The following ARHGAP22 variants were observed in gnomAD, a reference collection of about 807,000 sequenced individuals.
ARHGAP22 encodes the protein Rho GTPase activating protein 22.
In ARHGAP22, 48 loss-of-function variants were observed where a neutral mutation model predicts 59.1. That is an observed-to-expected ratio of 0.81 (90% confidence interval 0.64 to 1.03). The LOEUF (loss-of-function observed/expected upper bound fraction) is 1.03. Ranked by LOEUF, ARHGAP22 falls within the 50% of genes least tolerant of loss-of-function variation. The pLI, the probability that ARHGAP22 is intolerant of heterozygous loss-of-function variation, is 0.00. For synonymous variants in ARHGAP22, 445 were observed against 416.4 expected, an observed-to-expected ratio of 1.07 and a Z score of -0.84; for missense variants, 1,015 against 958.7, an observed-to-expected ratio of 1.06 and a Z score of -0.78.
chr10:48,541,317 A>T (rs1431368558), intron 3 of ARHGAP22, among the ~76,000 whole-genome samples: 2 of 152,122 alleles, frequency 1.3e-5, no homozygotes, highest in East Asian at 3.9e-4. Context: ...AGCTGAGATC[A>T]CTCATAAAGA....
intron 4 of ARHGAP22, among the ~76,000 whole-genome samples, chr10:48,474,824 G>A (rs534868910): frequency 9.2e-5 from 14 of 152,152 alleles, no homozygotes; most frequent in South Asian, 6.2e-4. Context: ...TCATCATGGC[G>A]TATAATTCTT....
At chr10:48,493,912 G>A (rs2050667161) in intron 3 of ARHGAP22, among the ~76,000 whole-genome samples, 1 of 152,216 alleles carries the variant, frequency 6.6e-6, no homozygotes, top group Non-Finnish European at 1.5e-5. Flanking sequence ...CTCTCCAGGT[G>A]GACCCACCCA....
intron 3 of ARHGAP22, among the ~76,000 whole-genome samples, chr10:48,529,999 G>A (rs2054667522): frequency 6.6e-6 from 1 of 152,142 alleles, no homozygotes; most frequent in Admixed American, 6.5e-5. Flanking sequence ...CACTTTGGGA[G>A]GCCAACGTGG....
chr10:48,497,362 C>T (rs2051043336), intron 3 of ARHGAP22, among the ~76,000 whole-genome samples: 1 of 152,214 alleles, frequency 6.6e-6, no homozygotes. Context: ...TTTCTGCTTC[C>T]TGCCTCCTCC....
At chr10:48,512,764 C>T (rs965300890) in intron 3 of ARHGAP22, among the ~76,000 whole-genome samples, 3 of 152,226 alleles carry the variant, frequency 2.0e-5, no homozygotes, top group African/African-American at 7.2e-5. Context: ...GTCAGCCCAG[C>T]TCCAAGCTTC....
intron 3 of ARHGAP22, among the ~76,000 whole-genome samples, chr10:48,508,354 T>C (rs2052378033): frequency 6.6e-6 from 1 of 152,234 alleles, no homozygotes; most frequent in Non-Finnish European, 1.5e-5. Context: ...CAAGTGGCTA[T>C]ACTTTTAGAA....
intron 3 of ARHGAP22, among the ~76,000 whole-genome samples, chr10:48,553,943 C>G (rs375702014): frequency 6.6e-6 from 1 of 152,194 alleles, no homozygotes; most frequent in Non-Finnish European, 1.5e-5. Context: ...CCACACCCCT[C>G]GCCTAGATGG....
intron 3 of ARHGAP22, among the ~76,000 whole-genome samples, chr10:48,509,810 C>T (rs930439990): frequency 5.3e-5 from 8 of 152,174 alleles, no homozygotes; most frequent in East Asian, 1.9e-4. Context: ...TGAAGACGCC[C>T]GACGAGTCAT....
intron 4 of ARHGAP22, among the ~76,000 whole-genome samples, chr10:48,474,668 T>C (rs2048543932): frequency 6.6e-6 from 1 of 152,226 alleles, no homozygotes; most frequent in Non-Finnish European, 1.5e-5. Flanking sequence ...GTTTTAATCA[T>C]TAAAGGGTGC....
chr10:48,532,325 C>A (rs2054925211), intron 3 of ARHGAP22, among the ~76,000 whole-genome samples: 1 of 152,106 alleles, frequency 6.6e-6, no homozygotes, highest in Non-Finnish European at 1.5e-5. Flanking sequence ...GCCTGCGTCC[C>A]TGCCCCCACC....
intron 1 of ARHGAP22, among the ~76,000 whole-genome samples, chr10:48,598,179 A>G (rs1336307657): frequency 2.0e-5 from 3 of 152,228 alleles, no homozygotes; most frequent in African/African-American, 7.2e-5. Context: ...TGGGAAGAGA[A>G]ACTCTGTTTT....
At chr10:48,626,806 A>G (rs2061464835) in intron 1 of ARHGAP22, among the ~76,000 whole-genome samples, 1 of 152,184 alleles carries the variant, frequency 6.6e-6, no homozygotes, top group South Asian at 2.1e-4. Flanking sequence ...TTGGTTATTC[A>G]GAGAAAGCCC....
At chr10:48,432,254 T>A in the ARHGAP22 span, among the ~76,000 whole-genome samples, 2 of 152,230 alleles carry the variant, frequency 1.3e-5, no homozygotes, top group African/African-American at 2.4e-5. Context: ...AAAATAGATG[T>A]TGTATCTAGC....
chr10:48,509,233 G>A (rs770937513), intron 3 of ARHGAP22, among the ~76,000 whole-genome samples: 2 of 152,158 alleles, frequency 1.3e-5, no homozygotes, highest in Non-Finnish European at 2.9e-5. Context: ...CGAGCCTGGC[G>A]CAGGATGTGC....
At chr10:48,600,985 G>A (rs912228760) in intron 1 of ARHGAP22, among the ~76,000 whole-genome samples, 5 of 152,116 alleles carry the variant, frequency 3.3e-5, no homozygotes, top group Non-Finnish European at 4.4e-5. Flanking sequence ...GTTCTAATAC[G>A]CCCCTTCTTC....
chr10:48,492,436 T>A (rs1358082490), intron 3 of ARHGAP22, among the ~76,000 whole-genome samples: 1 of 152,208 alleles, frequency 6.6e-6, no homozygotes, highest in Non-Finnish European at 1.5e-5. Flanking sequence ...TCTAGAGCAG[T>A]GTGATCCAAC....
At chr10:48,511,708 GCAC>G in intron 3 of ARHGAP22, 1 of 152,360 alleles carries the variant, frequency 6.6e-6, no homozygotes, top group Admixed American at 6.5e-5. Context: ...AGGCATGAAT[GCAC>G]CAGATACTTG....
At chr10:48,557,257 T>C (rs1039948701) in intron 2 of ARHGAP22, among the ~76,000 whole-genome samples, 1 of 152,088 alleles carries the variant, frequency 6.6e-6, no homozygotes, top group Non-Finnish European at 1.5e-5. Flanking sequence ...TCTTGGGCGT[T>C]TGCTGTTTCA....
At chr10:48,529,345 A>G (rs1589971030) in intron 3 of ARHGAP22, among the ~76,000 whole-genome samples, 1 of 152,282 alleles carries the variant, frequency 6.6e-6, no homozygotes, top group East Asian at 1.9e-4. Flanking sequence ...ATCTTATGTA[A>G]TCCCCTCCCT....
Sources: allele counts gnomAD v4.1 joint callset (sites outside exome capture counted in the v4.1 genomes callset), GRCh38; gene constraint gnomAD v4.1.1; transcripts MANE v1.5; gene names NCBI Gene and HGNC (gene_info 2026-07-23, HGNC 2026-07-21).